Variants in KCNJ15 observed in about 807,000 individuals in gnomAD.
KCNJ15 encodes the protein ATP-sensitive inward rectifier potassium channel 15.
In KCNJ15, 14 loss-of-function variants were observed where a neutral mutation model predicts 23.0. The observed-to-expected ratio is 0.61, with a 90% confidence interval of 0.40 to 0.95. The LOEUF (loss-of-function observed/expected upper bound fraction) is 0.95. Among genes scored for constraint, KCNJ15 ranks in the 40% least tolerant of loss-of-function variants. The pLI, the probability that KCNJ15 is intolerant of heterozygous loss-of-function variation, is 0.00. For missense variants in KCNJ15, 388 were observed against 461.8 expected (o/e 0.84, Z 1.46); for synonymous variants, 185 against 183.2 (o/e 1.01, Z -0.08).
At position 38,304,295 on chromosome 21, in the gene KCNJ15, C is replaced by G. The variant is rs1216231325; in HGVS notation, c.*3906C>G. ...TCCCCGGTGTGTGATGTTCCCCTTCCTGTGTCCATGTGTTCTCATTGTTCA... is the reference window on the plus strand; with the variant it reads ...TCCCCGGTGTGTGATGTTCCCCTTCGTGTGTCCATGTGTTCTCATTGTTCA... On this transcript the variant is annotated 3_prime_UTR_variant, in exon 3 of 3. Transcript: ENST00000398938. The G allele has an allele frequency of 7.0e-6, 1 of 142,084 alleles. No homozygotes were observed. The highest frequency in any genetic ancestry group is 1.5e-5 in the Non-Finnish European group (1 of 65,922). 8.8% of individuals were successfully genotyped at this position (142,084 alleles called of 1,614,324 possible). A position where few individuals can be genotyped will look rare whatever the true frequency, so the allele number is the denominator to read the frequency against.
At position 38,283,326 on chromosome 21, in the gene KCNJ15, A is replaced by C. The variant is rs12482404; in HGVS notation, c.-116-13600A>C. ...ATAAAAATGGAAAATCTGGTTGAAA[A>C]ACCTTCCTAATTTTGTTTTCCTTTA... On this transcript the variant is annotated intron_variant, in intron 1 of 2. Coordinates refer to ENST00000398938, the MANE Select transcript of KCNJ15 (RefSeq NM_170736.3). Among the ~76,000 whole-genome samples, 1,482 of 152,306 alleles carry C rather than the reference A, an allele frequency of 9.7e-3. 85 individuals are homozygous for C. Among genetic ancestry groups the C allele is most frequent in the Admixed American group, 0.087 (1,334 of 15,298 alleles).
intron 1 of KCNJ15, among the ~76,000 whole-genome samples, chr21:38,278,217 C>T (rs1982945396): frequency 6.6e-6 from 1 of 152,108 alleles, no homozygotes; most frequent in Non-Finnish European, 1.5e-5. Context: ...ACATTAAGGC[C>T]CTGCTAGAAC....
intron 1 of KCNJ15, among the ~76,000 whole-genome samples, chr21:38,289,415 C>T (rs1034497466): frequency 6.6e-6 from 1 of 152,020 alleles, no homozygotes; most frequent in Non-Finnish European, 1.5e-5. Flanking sequence ...TTCCACTAGC[C>T]TGTTGAAGAA....
chr21:38,299,993 G>C lies in KCNJ15; in HGVS notation c.732G>C (p.Glu244Asp). Reference sequence around the variant, plus strand: ...AATTCCACGTGGACTCCTCCTCTGAGAGCCCCTTCCTCATTCTGCCCATGA... The same window carrying C: ...AATTCCACGTGGACTCCTCCTCTGACAGCCCCTTCCTCATTCTGCCCATGA... ...TVKFHVDSSS[E>D]SPFLILPMTF... Residue 244 changes from glutamate (E) to aspartate (D), a missense_variant, in exon 3 of 3, where the codon GAG becomes GAC. Physicochemically the swap from Glu to Asp is conservative, Grantham distance 45. Transcript: ENST00000398938. The surrounding 1 kb of genome is among the most constrained non-coding windows in gnomAD (Gnocchi z 4.5). 6.2e-7 allele frequency: 1 copy of C among 1,614,008 alleles called. No homozygotes were observed. The highest frequency in any genetic ancestry group is 8.5e-7 in the Non-Finnish European group (1 of 1,180,016).
At chr21:38,287,060 G>T (rs1286897232) in intron 1 of KCNJ15, among the ~76,000 whole-genome samples, 1 of 152,072 alleles carries the variant, frequency 6.6e-6, no homozygotes, top group African/African-American at 2.4e-5. Context: ...AATATCATTG[G>T]TGTCTTCTGT....
intron 1 of KCNJ15, among the ~76,000 whole-genome samples, chr21:38,271,182 G>A (rs897618212): frequency 7.9e-5 from 12 of 152,240 alleles, no homozygotes; most frequent in East Asian, 1.9e-4. Context: ...AGTCTAGTCC[G>A]TCTCTCTGTG....
intron 1 of KCNJ15, among the ~76,000 whole-genome samples, chr21:38,257,625 G>T (rs1043501134): frequency 1.3e-5 from 2 of 152,190 alleles, no homozygotes; most frequent in African/African-American, 4.8e-5. Context: ...GCGAAACCTC[G>T]CCGGAATATT....
At position 38,299,683 on chromosome 21, in the gene KCNJ15, A is replaced by C; in HGVS notation, c.422A>C (p.His141Pro). 6.2e-7 allele frequency: 1 copy of C among 1,614,176 alleles called. No individual in the cohort carries two copies. Among genetic ancestry groups the C allele is most frequent in the Non-Finnish European group, 8.5e-7 (1 of 1,180,018 alleles). ...GVRSITEECP[H>P]AIFLLVAQLV... ...CGTTCCATCACAGAGGAATGTCCTC[A>C]TGCCATCTTCCTGTTGGTTGCTCAG... Residue 141 changes from histidine (H) to proline (P), a missense_variant, in exon 3 of 3, where the codon CAT becomes CCT. Coordinates refer to ENST00000398938, the MANE Select transcript of KCNJ15 (RefSeq NM_170736.3). The surrounding 1 kb of genome is among the most constrained non-coding windows in gnomAD (Gnocchi z 4.5).
At chr21:38,274,074 T>C (rs942893373) in intron 1 of KCNJ15, among the ~76,000 whole-genome samples, 1 of 152,218 alleles carries the variant, frequency 6.6e-6, no homozygotes, top group South Asian at 2.1e-4. Flanking sequence ...CCCAGTAACC[T>C]TTACCACTGA....
chr21:38,281,822 T>G (rs543922277), intron 1 of KCNJ15, among the ~76,000 whole-genome samples: 40 of 152,298 alleles, frequency 2.6e-4, no homozygotes, highest in Middle Eastern at 3.4e-3. Flanking sequence ...CAGCTCTGTT[T>G]TAAGTTCTTT....
At chr21:38,249,366 T>G (rs553336624) in intron 1 of KCNJ15, among the ~76,000 whole-genome samples, 8 of 152,328 alleles carry the variant, frequency 5.3e-5, no homozygotes, top group East Asian at 3.9e-4. Context: ...TTAGAATTAC[T>G]GCTGCCTACT....
In KCNJ15 at chr21:38,247,557, GA is replaced by G. The variant is rs1601137994; in HGVS notation, c.-398-9488del. Among the ~76,000 whole-genome samples the G allele has an allele frequency of 7.2e-5, 11 of 152,100 alleles. No individual in the cohort carries two copies. In the East Asian group the frequency reaches 2.1e-3, roughly 29 times the overall value. ...GGATGGATGGATGGATGGATGGATGGATGGATGGATGGAAAGATGCATGCAT... is the reference window on the plus strand; with the variant it reads ...GGATGGATGGATGGATGGATGGATGGTGGATGGATGGAAAGATGCATGCAT... On this transcript the variant is annotated intron_variant, in intron 1 of 4. Coordinates refer to the KCNJ15 transcript ENST00000547341.
intron 1 of KCNJ15, among the ~76,000 whole-genome samples, chr21:38,260,309 G>A (rs991196880): frequency 9.8e-5 from 15 of 152,302 alleles, no homozygotes; most frequent in African/African-American, 3.4e-4. Flanking sequence ...TCCACTCATC[G>A]TAATGCAGCT....
chr21:38,241,739 G>T (rs1018687107), intron 1 of KCNJ15, among the ~76,000 whole-genome samples: 2 of 152,108 alleles, frequency 1.3e-5, no homozygotes, highest in African/African-American at 4.8e-5. Flanking sequence ...GGCCAAGGAG[G>T]GCGGATTGCT....
intron 1 of KCNJ15, among the ~76,000 whole-genome samples, chr21:38,268,650 A>G (rs1289853994): frequency 4.6e-5 from 7 of 151,342 alleles, no homozygotes; most frequent in Non-Finnish European, 1.0e-4. Context: ...AGGTCATTCT[A>G]ATGAGAGAGG....
rs1042818871 is a variant in KCNJ15, at chr21:38,305,490, A to G, written c.*5101A>G. 2.6e-5 allele frequency: 4 copies of G among 152,258 alleles called. No individual in the cohort carries two copies. The highest frequency in any genetic ancestry group is 6.5e-5 in the Admixed American group (1 of 15,288). The allele number at this position is 152,258 out of a possible 1,614,324, so 9.4% of individuals were successfully genotyped here. ...GGAAGTCAAAGGACAGAACTGATACACGAGTATAAAAGCCAACGATGTCAT... is the reference window on the plus strand; with the variant it reads ...GGAAGTCAAAGGACAGAACTGATACGCGAGTATAAAAGCCAACGATGTCAT... On this transcript the variant is annotated 3_prime_UTR_variant, in exon 3 of 3. Transcript: ENST00000398938.
chr21:38,305,080 C>CA lies in KCNJ15; in HGVS notation c.*4708dup, dbSNP rs60094452. On this transcript the variant is annotated 3_prime_UTR_variant, in exon 3 of 3. Transcript: ENST00000398938. ...GGGCAACAAAAGTAAAACTCCGTCT[C>CA]AAAAAAAAAAAAAAAAAGAAAAAGA... 0.094 allele frequency: 9,164 copies of CA among 97,704 alleles called. 499 individuals carry two copies. The highest frequency in any genetic ancestry group is 0.17 in the South Asian group (414 of 2,396). The allele number at this position is 97,704 out of a possible 1,614,324, so 6.1% of individuals were successfully genotyped here. A position where few individuals can be genotyped will look rare whatever the true frequency, so the allele number is the denominator to read the frequency against.
At chr21:38,253,675 T>C (rs1335464211), upstream of KCNJ15, among the ~76,000 whole-genome samples, 1 of 152,232 alleles carries the variant, frequency 6.6e-6, no homozygotes, top group Non-Finnish European at 1.5e-5. Context: ...AAGATGAGGA[T>C]TGGAAACATT....
At chr21:38,270,632 A>G (rs1320714641) in intron 1 of KCNJ15, among the ~76,000 whole-genome samples, 1 of 152,110 alleles carries the variant, frequency 6.6e-6, no homozygotes, top group Non-Finnish European at 1.5e-5. Flanking sequence ...TACCTTTCCC[A>G]CTATAGCATA....
Sources: gnomAD v4.1 joint callset for allele counts (sites outside exome capture counted in the v4.1 genomes callset) on GRCh38, gnomAD v4.1.1 for gene constraint, Gnocchi (gnomAD v3.1) non-coding constraint, MANE v1.5 for transcripts, NCBI Gene and HGNC (gene_info 2026-07-23, HGNC 2026-07-21) for gene names.